CHRM5: variants seen among roughly 807,000 people sequenced by gnomAD.
The protein encoded by CHRM5 is cholinergic receptor muscarinic 5, also known as muscarinic acetylcholine receptor M5.
A neutral mutation model predicts 39.0 loss-of-function variants in CHRM5; 18 were observed. The observed-to-expected ratio is 0.46, with a 90% CI of 0.32 to 0.68. CHRM5 has a LOEUF of 0.68. CHRM5 is among the 30% of genes least tolerant of loss of function. CHRM5 has a pLI of 0.04. For synonymous variants in CHRM5, 241 were observed against 246.3 expected (o/e 0.98, Z 0.20); for missense variants, 515 against 651.1 (o/e 0.79, Z 2.28).
At chr15:33,989,433 T>A (rs1042069154) in intron 1 of CHRM5, among the ~76,000 whole-genome samples, 1 of 147,764 alleles carries the variant, frequency 6.8e-6, no homozygotes. Flanking sequence ...TTCTAACAGC[T>A]GGTTTTGTTT....
intron 1 of CHRM5, among the ~76,000 whole-genome samples, chr15:34,007,673 C>A (rs973957284): frequency 6.6e-6 from 1 of 152,152 alleles, no homozygotes; most frequent in Non-Finnish European, 1.5e-5. Context: ...TTCCTGGTAC[C>A]GTATTACTTT....
chr15:33,996,725 T>C (rs1896952015), intron 1 of CHRM5, among the ~76,000 whole-genome samples: 2 of 152,180 alleles, frequency 1.3e-5, no homozygotes, highest in South Asian at 2.1e-4. Context: ...AGACCAAAGG[T>C]AGATAAAACC....
At chr15:33,969,694 A>T (rs907048396) in intron 1 of CHRM5, among the ~76,000 whole-genome samples, 6 of 152,128 alleles carry the variant, frequency 3.9e-5, no homozygotes, top group Admixed American at 3.3e-4. Flanking sequence ...CTCTTGTAGG[A>T]TAGGGCTAAT....
chr15:34,055,803 AAAAT>A lies in CHRM5; in HGVS notation c.-75-6820_-75-6817del, dbSNP rs916497293. Among the ~76,000 whole-genome samples the A allele has an allele frequency of 2.6e-5, 4 of 152,298 alleles. No homozygotes were observed. The East Asian group carries it at 5.8e-4, about 22-fold the overall frequency. On this transcript the variant is annotated intron_variant, in intron 2 of 2. Transcript: ENST00000383263. ...GCGACGGAGCAAGACTCTGTCACAA[AAAAT>A]AAATAAATAAATAAATAAAAATAAA...
intron 1 of CHRM5, among the ~76,000 whole-genome samples, chr15:34,032,956 T>A (rs1898931912): frequency 1.3e-5 from 2 of 152,350 alleles, no homozygotes; most frequent in South Asian, 4.1e-4. Flanking sequence ...TAAAATACTT[T>A]AAAAATAACT....
intron 1 of CHRM5, among the ~76,000 whole-genome samples, chr15:33,981,857 C>T (rs1031242021): frequency 1.3e-5 from 2 of 151,912 alleles, no homozygotes; most frequent in Non-Finnish European, 2.9e-5. Context: ...GTTTTTGAAA[C>T]GGAGTCTCAC....
chr15:34,027,840 AAAC>A (rs58773595), intron 1 of CHRM5, among the ~76,000 whole-genome samples: 67,989 of 145,008 alleles, frequency 0.47, 18,965 homozygotes, highest in Non-Finnish European at 0.65. Context: ...AAAAAAAAAA[AAAC>A]TGACAAAAAC....
chr15:34,046,892 A>G, intron 2 of CHRM5, 21 bp downstream of exon 2: 1 of 152,390 alleles, frequency 6.6e-6, no homozygotes, highest in Non-Finnish European at 1.5e-5. Context: ...GTGCGACCCC[A>G]CCGGGGAAAC....
At chr15:34,047,414 C>A (rs1003895529) in intron 2 of CHRM5, among the ~76,000 whole-genome samples, 13 of 152,242 alleles carry the variant, frequency 8.5e-5, no homozygotes, top group African/African-American at 2.9e-4. Context: ...CGCTGGGATC[C>A]CTGGCAAGGC....
intron 1 of CHRM5, among the ~76,000 whole-genome samples, chr15:33,994,819 C>T (rs1309098342): frequency 6.6e-6 from 1 of 152,132 alleles, no homozygotes; most frequent in Non-Finnish European, 1.5e-5. Context: ...TAAAGGTGTA[C>T]TCTTAGATAA....
chr15:34,041,281 C>A (rs1354840281), intron 1 of CHRM5, among the ~76,000 whole-genome samples: 2 of 152,168 alleles, frequency 1.3e-5, no homozygotes, highest in East Asian at 3.8e-4. Flanking sequence ...ATGAGAACCA[C>A]TAGCACAGAT....
At chr15:34,025,757 C>CGTGT (rs150188349) in intron 1 of CHRM5, among the ~76,000 whole-genome samples, 3 of 132,940 alleles carry the variant, frequency 2.3e-5, no homozygotes, top group Non-Finnish European at 3.5e-5. Flanking sequence ...TTTGGTTTTG[C>CGTGT]GTGTGTGTGT....
chr15:34,025,365 T>C (rs1898410211), intron 1 of CHRM5, among the ~76,000 whole-genome samples: 1 of 152,056 alleles, frequency 6.6e-6, no homozygotes, highest in Non-Finnish European at 1.5e-5. Flanking sequence ...TTTAGAGAAA[T>C]AGGCTGAATA....
chr15:34,038,552 T>C (rs1899268634), intron 1 of CHRM5, among the ~76,000 whole-genome samples: 1 of 150,726 alleles, frequency 6.6e-6, no homozygotes, highest in South Asian at 2.1e-4. Flanking sequence ...ACCCCCACTG[T>C]CTCGCGCCAG....
intron 2 of CHRM5, among the ~76,000 whole-genome samples, chr15:34,057,143 T>TC (rs34543836): frequency 2.1e-5 from 2 of 97,100 alleles, no homozygotes; most frequent in African/African-American, 6.4e-5. Context: ...TTTTTTTTGG[T>TC]TTTTTTTTTT....
At chr15:34,040,111 C>T (rs544843369) in intron 1 of CHRM5, among the ~76,000 whole-genome samples, 8 of 152,188 alleles carry the variant, frequency 5.3e-5, no homozygotes, top group African/African-American at 1.9e-4. Flanking sequence ...CTTTTCATTG[C>T]TTCTAATTGC....
chr15:33,988,680 C>T (rs1896586935), intron 1 of CHRM5, among the ~76,000 whole-genome samples: 1 of 152,172 alleles, frequency 6.6e-6, no homozygotes, highest in South Asian at 2.1e-4. Flanking sequence ...ACTGGGTGTG[C>T]TCACTTAACA....
chr15:33,986,032 T>A (rs1267816570), intron 1 of CHRM5, among the ~76,000 whole-genome samples: 1 of 152,176 alleles, frequency 6.6e-6, no homozygotes, highest in Non-Finnish European at 1.5e-5. Flanking sequence ...AATTTAGGAT[T>A]CTATTAAGTT....
chr15:33,981,898 G>A (rs1040455189), intron 1 of CHRM5, among the ~76,000 whole-genome samples: 7 of 151,990 alleles, frequency 4.6e-5, no homozygotes, highest in Non-Finnish European at 1.0e-4. Flanking sequence ...GCAGTGGCGC[G>A]ATCTTGGCTC....
Sources: gnomAD v4.1 joint callset for allele counts (sites outside exome capture counted in the v4.1 genomes callset) on GRCh38, gnomAD v4.1.1 for gene constraint, MANE v1.5 for transcripts, NCBI Gene and HGNC (gene_info 2026-07-23, HGNC 2026-07-21) for gene names.